Variants in CNTN5 observed in about 807,000 individuals in gnomAD.
CNTN5 encodes the protein contactin 5, also known as contactin-5.
CNTN5 carries 77 observed loss-of-function variants against 129.1 expected under a neutral mutation model. That is an observed-to-expected ratio of 0.60 (90% CI 0.50 to 0.72). The LOEUF (loss-of-function observed/expected upper bound fraction) is 0.72, where lower values mean the gene tolerates loss of function less well. CNTN5 is among the 30% of genes least tolerant of loss of function. CNTN5 has a pLI of 0.00. For missense variants in CNTN5, 1,478 were observed against 1,328.8 expected, an observed-to-expected ratio of 1.11 and a Z score of -1.75; for synonymous variants, 509 against 465.6, an observed-to-expected ratio of 1.09 and a Z score of -1.20.
chr11:99,230,070 C>T (rs1012133939), intron 1 of CNTN5, among the ~76,000 whole-genome samples: 2 of 152,032 alleles, frequency 1.3e-5, no homozygotes, highest in Non-Finnish European at 2.9e-5. Flanking sequence ...TGATTGATTT[C>T]TGTCTGGAAT....
intron 3 of CNTN5, among the ~76,000 whole-genome samples, chr11:99,582,418 T>C (rs926253388): frequency 6.6e-6 from 1 of 152,184 alleles, no homozygotes; most frequent in Admixed American, 6.5e-5. Context: ...TCCTGCAGAG[T>C]GTTTTCCAAC....
intron 13 of CNTN5, among the ~76,000 whole-genome samples, chr11:100,102,355 G>A (rs1945252361): frequency 6.6e-6 from 1 of 151,792 alleles, no homozygotes; most frequent in Admixed American, 6.6e-5. Flanking sequence ...TTGGCTGTTT[G>A]TGTATCTTCT....
chr11:99,955,428 C>T (rs1950775762), intron 7 of CNTN5, among the ~76,000 whole-genome samples: 1 of 151,914 alleles, frequency 6.6e-6, no homozygotes, highest in Non-Finnish European at 1.5e-5. Context: ...GTGATGGTAA[C>T]AGTAAAAAAC....
At chr11:99,616,654 T>C (rs941509387) in intron 3 of CNTN5, among the ~76,000 whole-genome samples, 1 of 152,156 alleles carries the variant, frequency 6.6e-6, no homozygotes, top group Non-Finnish European at 1.5e-5. Context: ...TGGCAAAACC[T>C]ATGAAGAAAT....
intron 6 of CNTN5, among the ~76,000 whole-genome samples, chr11:99,849,052 C>T (rs566105271): frequency 5.9e-5 from 9 of 151,952 alleles, no homozygotes; most frequent in East Asian, 1.9e-4. Context: ...GTTTAATAAA[C>T]GTAGGATGGG....
chr11:99,544,782 C>T (rs966835720), intron 2 of CNTN5, among the ~76,000 whole-genome samples: 1 of 152,106 alleles, frequency 6.6e-6, no homozygotes, highest in African/African-American at 2.4e-5. Flanking sequence ...CTTGGCTTTG[C>T]CCAGAATTCA....
intron 13 of CNTN5, among the ~76,000 whole-genome samples, chr11:100,084,322 A>G (rs1416392435): frequency 6.6e-6 from 1 of 152,116 alleles, no homozygotes; most frequent in Non-Finnish European, 1.5e-5. Context: ...ATATGCTCCT[A>G]ACTGATTCGA....
chr11:100,246,817 C>T (rs967243551), intron 16 of CNTN5, among the ~76,000 whole-genome samples: 2 of 152,148 alleles, frequency 1.3e-5, no homozygotes, highest in African/African-American at 4.8e-5. Flanking sequence ...AACGACTACA[C>T]TAATCTGTTA....
At chr11:99,579,845 T>A (rs912252576) in intron 3 of CNTN5, among the ~76,000 whole-genome samples, 5 of 151,074 alleles carry the variant, frequency 3.3e-5, no homozygotes, top group African/African-American at 9.8e-5. Flanking sequence ...CTGACTGCCC[T>A]GGCCAGAACT....
chr11:99,658,455 GCAATGT>G (rs1394349758), intron 3 of CNTN5, among the ~76,000 whole-genome samples: 1 of 151,890 alleles, frequency 6.6e-6, no homozygotes, highest in East Asian at 1.9e-4. Flanking sequence ...AATATCTCAG[GCAATGT>G]CTGATAATTT....
At chr11:99,765,317 A>T (rs1241834170) in intron 3 of CNTN5, among the ~76,000 whole-genome samples, 1 of 151,860 alleles carries the variant, frequency 6.6e-6, no homozygotes, top group Non-Finnish European at 1.5e-5. Flanking sequence ...ATATATATAT[A>T]TACATATATA....
chr11:99,174,097 CA>C (rs1857661984), intron 1 of CNTN5, among the ~76,000 whole-genome samples: 1 of 152,136 alleles, frequency 6.6e-6, no homozygotes, highest in East Asian at 1.9e-4. Context: ...CTCCCAGGTT[CA>C]AATGATCTTC....
intron 15 of CNTN5, among the ~76,000 whole-genome samples, chr11:100,206,456 A>G (rs1282127206): frequency 6.6e-6 from 1 of 152,160 alleles, no homozygotes; most frequent in Non-Finnish European, 1.5e-5. Flanking sequence ...AGCAAGGTAC[A>G]TATACATAGC....
At chr11:99,354,151 C>G (rs12421073) in intron 2 of CNTN5, among the ~76,000 whole-genome samples, 26,153 of 152,178 alleles carry the variant, frequency 0.17, 2,450 homozygotes, top group South Asian at 0.26. Flanking sequence ...GGCTTTCTCT[C>G]ACTCCACAAT....
chr11:99,403,702 A>G (rs1941938015), intron 2 of CNTN5, among the ~76,000 whole-genome samples: 1 of 152,068 alleles, frequency 6.6e-6, no homozygotes, highest in African/African-American at 2.4e-5. Flanking sequence ...GTTTTATTCC[A>G]TAGTAGTTAG....
At chr11:99,838,324 C>T (rs140697251) in intron 4 of CNTN5, among the ~76,000 whole-genome samples, 17 of 152,248 alleles carry the variant, frequency 1.1e-4, no homozygotes, top group Non-Finnish European at 2.5e-4. Flanking sequence ...AAAAATCAAA[C>T]ATCTATCAAG....
At chr11:99,639,943 T>A (rs1951710226) in intron 3 of CNTN5, among the ~76,000 whole-genome samples, 1 of 152,144 alleles carries the variant, frequency 6.6e-6, no homozygotes, top group African/African-American at 2.4e-5. Context: ...AGTTCAAAGT[T>A]CCACAAATCT....
chr11:100,084,032 G>T (rs1944460524), intron 13 of CNTN5, among the ~76,000 whole-genome samples: 1 of 151,894 alleles, frequency 6.6e-6, no homozygotes, highest in Non-Finnish European at 1.5e-5. Context: ...TGTACTATGA[G>T]CACCTCCAGT....
intron 13 of CNTN5, among the ~76,000 whole-genome samples, chr11:100,075,190 A>C (rs1161026634): frequency 6.6e-6 from 1 of 152,148 alleles, no homozygotes; most frequent in Non-Finnish European, 1.5e-5. Context: ...ACATTTTGAA[A>C]AATTTTTAAA....
Sources: allele counts gnomAD v4.1 joint callset (sites outside exome capture counted in the v4.1 genomes callset), GRCh38; gene constraint gnomAD v4.1.1; transcripts MANE v1.5; gene names NCBI Gene and HGNC (gene_info 2026-07-23, HGNC 2026-07-21).